NGEF: variants seen among roughly 807,000 people sequenced by gnomAD.
NGEF encodes neuronal guanine nucleotide exchange factor.
In NGEF, 31 loss-of-function variants were observed where a neutral mutation model predicts 80.9. The ratio of observed to expected loss-of-function variants is 0.38; its 90% CI spans 0.29 to 0.52. The LOEUF (loss-of-function observed/expected upper bound fraction) is 0.52. Ranked by LOEUF, NGEF falls within the 20% of genes least tolerant of loss-of-function variation. NGEF has a pLI of 0.84. For missense variants in NGEF, 709 were observed against 926.2 expected, an observed-to-expected ratio of 0.77 and a Z score of 3.04; for synonymous variants, 371 against 370.2, an observed-to-expected ratio of 1.00 and a Z score of -0.03.
chr2:232,976,543 G>T (rs567412125), intron 1 of NGEF, among the ~76,000 whole-genome samples: 1 of 152,294 alleles, frequency 6.6e-6, no homozygotes, highest in South Asian at 2.1e-4. Flanking sequence ...TGGGTAGGGG[G>T]ATTTGAAGAC....
intron 5 of NGEF, among the ~76,000 whole-genome samples, chr2:232,909,376 C>T (rs564855344): frequency 6.6e-6 from 1 of 152,186 alleles, no homozygotes; most frequent in East Asian, 1.9e-4. Context: ...TTCATCCTTG[C>T]TTAATGTATA....
At chr2:232,908,765 G>T (rs1428788832) in intron 5 of NGEF, among the ~76,000 whole-genome samples, 2 of 147,752 alleles carry the variant, frequency 1.4e-5, no homozygotes, top group African/African-American at 2.5e-5. Flanking sequence ...TTTTTTCATT[G>T]CCAGGACGTA....
In NGEF at chr2:232,950,554, C is replaced by G. The variant is rs145688603; in HGVS notation, c.383+19660G>C. ...GACCAGGATCTGGGGCAGAGAGGAGCCTCCCAGGGCCTTTGGTCCACCCCT... is the reference window on the plus strand; with the variant it reads ...GACCAGGATCTGGGGCAGAGAGGAGGCTCCCAGGGCCTTTGGTCCACCCCT... On this transcript the variant is annotated intron_variant, in intron 3 of 14. Transcript: ENST00000264051. Among the ~76,000 whole-genome samples, 805 of 152,062 alleles carry G rather than the reference C, an allele frequency of 5.3e-3. 3 individuals are homozygous for G. Among genetic ancestry groups the G allele is most frequent in the African/African-American group, 0.014 (577 of 41,462 alleles).
At chr2:232,914,190 T>A (rs1692745820) in intron 5 of NGEF, among the ~76,000 whole-genome samples, 1 of 152,232 alleles carries the variant, frequency 6.6e-6, no homozygotes, top group African/African-American at 2.4e-5. Flanking sequence ...TGACAGACAG[T>A]ATGGTCTACA....
intron 1 of NGEF, among the ~76,000 whole-genome samples, chr2:233,009,370 A>C (rs1241594131): frequency 6.6e-6 from 1 of 152,018 alleles, no homozygotes; most frequent in African/African-American, 2.4e-5. Flanking sequence ...TGATCTATTT[A>C]TTTTTAGAGA....
At chr2:232,906,206 G>A (rs1305533830) in intron 5 of NGEF, among the ~76,000 whole-genome samples, 1 of 25,428 alleles carries the variant, frequency 3.9e-5, no homozygotes, top group East Asian at 1.3e-3. Flanking sequence ...CGCCCCGTCC[G>A]GGAAGGAGGT....
intron 8 of NGEF, chr2:232,891,060 C>T (rs1015738357): frequency 7.6e-6 from 4 of 523,550 alleles, no homozygotes; most frequent in African/African-American, 3.8e-5. Flanking sequence ...TTTCCTGACC[C>T]GCCCCCATCG....
intron 5 of NGEF, among the ~76,000 whole-genome samples, chr2:232,916,680 G>C (rs367733407): frequency 6.6e-6 from 1 of 152,346 alleles, no homozygotes; most frequent in East Asian, 1.9e-4. Flanking sequence ...CAACAGGTTA[G>C]AAGTTTGACA....
intron 1 of NGEF, among the ~76,000 whole-genome samples, chr2:233,003,463 T>A (rs766654853): frequency 1.3e-5 from 2 of 152,212 alleles, no homozygotes; most frequent in Non-Finnish European, 2.9e-5. Flanking sequence ...CCCTCGGGTA[T>A]CCGCCTGGAG....
chr2:232,916,486 A>G (rs1317237819), intron 5 of NGEF, among the ~76,000 whole-genome samples: 2 of 152,238 alleles, frequency 1.3e-5, no homozygotes, highest in Non-Finnish European at 2.9e-5. Flanking sequence ...TAATATCCAG[A>G]AGGTACAAAA....
Position 232,936,614 on chromosome 2 carries a change from G to A in NGEF, c.384-9428C>T, listed in dbSNP as rs553842799. Among the ~76,000 whole-genome samples, 9 of 152,300 alleles carry A rather than the reference G, an allele frequency of 5.9e-5. No homozygotes were observed. In the East Asian group the frequency reaches 1.5e-3, roughly 26 times the overall value. ...ACTCTGGACACCAAGGCACAGGTGG[G>A]CATCTCTGGTTGATGGTGCGCCACG... On this transcript the variant is annotated intron_variant, in intron 3 of 14. Transcript: ENST00000264051.
intron 8 of NGEF, chr2:232,890,979 A>C: frequency 2.1e-6 from 1 of 475,146 alleles, no homozygotes; most frequent in Non-Finnish European, 4.4e-6. Flanking sequence ...TCTGCGTGGA[A>C]TGTTCTTTCC....
chr2:232,974,642 C>G lies in NGEF; in HGVS notation c.249G>C (p.Arg83=). The G allele has an allele frequency of 6.2e-7, 1 of 1,613,996 alleles. No homozygotes were observed. The highest frequency in any genetic ancestry group is 8.5e-7 in the Non-Finnish European group (1 of 1,179,976). ...SKAKARDNPE[R]NASCLADSQD... Reference sequence around the variant, plus strand: ...ACTGACCTGCCAGGCAGCTGGCGTTCCGTTCGGGGTTGTCTCTGGCCTTGG... The same window carrying G: ...ACTGACCTGCCAGGCAGCTGGCGTTGCGTTCGGGGTTGTCTCTGGCCTTGG... The change falls in exon 2 of 15, where the codon CGG becomes CGC. Residue 83 remains arginine, a synonymous_variant. Transcript: ENST00000264051.
At position 232,879,457 on chromosome 2, in the gene NGEF, G is replaced by C. The variant is rs374203215; in HGVS notation, c.*32C>G. 174 of 1,485,496 alleles carry C rather than the reference G, an allele frequency of 1.2e-4. No individual in the cohort carries two copies. The highest frequency in any genetic ancestry group is 1.6e-4 in the Non-Finnish European group (168 of 1,081,474). 92.0% of individuals were successfully genotyped at this position (1,485,496 alleles called of 1,614,324 possible). ...CCACCTTCTGTCGGGGTCTCATGCAGGCCCTGCTCCCGCTGGCCCCCTGGG... is the reference window on the plus strand; with the variant it reads ...CCACCTTCTGTCGGGGTCTCATGCACGCCCTGCTCCCGCTGGCCCCCTGGG... On this transcript the variant is annotated 3_prime_UTR_variant, in exon 15 of 15. Transcript: ENST00000264051.
At position 232,995,371 on chromosome 2, in the gene NGEF, A is replaced by ACAGTATG. The variant is rs1694788464; in HGVS notation, c.-75+17696_-75+17697insCATACTG. On this transcript the variant is annotated intron_variant, in intron 1 of 14. Coordinates refer to ENST00000264051, the MANE Select transcript of NGEF (RefSeq NM_019850.3). ...AGTATGTATACTGTATACTGTATAT[A>ACAGTATG]TATACACAGTATGTATACTGTATAC... 1.6e-4 allele frequency among the ~76,000 whole-genome samples: 2 copies of ACAGTATG among 12,830 alleles called. 1 individual carries two copies. The highest frequency in any genetic ancestry group is 1.3e-3 in the African/African-American group (2 of 1,582). The allele number at this position is 12,830 out of a possible 152,430, so 8.4% of individuals were successfully genotyped here. A position where few individuals can be genotyped will look rare whatever the true frequency, so the allele number is the denominator to read the frequency against.
intron 3 of NGEF, chr2:232,969,936 T>C (rs76479792): frequency 0.091 from 17,748 of 195,856 alleles, 986 homozygotes; most frequent in Middle Eastern, 0.17. Context: ...AGGCTGAGGC[T>C]GGAGAATCGT....
chr2:232,920,341 C>T lies in NGEF; in HGVS notation c.771G>A (p.Glu257=). The change falls in exon 5 of 15, where the codon GAG becomes GAA. Residue 257 remains glutamate, a synonymous_variant. Coordinates refer to ENST00000264051, the MANE Select transcript of NGEF (RefSeq NM_019850.3). Reference sequence around the variant, plus strand: ...TCTCAAGCACCCCGCTGCTCCGGATCTCGGGAAGATCCTGCCAGAGGTTGA... The same window carrying T: ...TCTCAAGCACCCCGCTGCTCCGGATTTCGGGAAGATCCTGCCAGAGGTTGA... ...SRFNLWQDLP[E]IRSSGVLEIL... The T allele has an allele frequency of 6.2e-7, 1 of 1,614,180 alleles. No homozygotes were observed. Among genetic ancestry groups the T allele is most frequent in the Non-Finnish European group, 8.5e-7 (1 of 1,180,024 alleles).
chr2:232,951,486 C>T (rs1559221366), intron 3 of NGEF, among the ~76,000 whole-genome samples: 1 of 152,016 alleles, frequency 6.6e-6, no homozygotes, highest in East Asian at 1.9e-4. Flanking sequence ...TTAAACTTGG[C>T]AAAAATGGAG....
intron 3 of NGEF, among the ~76,000 whole-genome samples, chr2:232,945,273 T>TA (rs201667305): frequency 1.3e-4 from 20 of 148,464 alleles, no homozygotes; most frequent in South Asian, 2.1e-4. Context: ...ATTCTAGGAC[T>TA]AAAAAAAAAA....
Sources: allele counts gnomAD v4.1 joint callset (sites outside exome capture counted in the v4.1 genomes callset), GRCh38; gene constraint gnomAD v4.1.1; transcripts MANE v1.5; gene names NCBI Gene and HGNC (gene_info 2026-07-23, HGNC 2026-07-21).